RASA3: variants seen among roughly 807,000 people sequenced by gnomAD.
RASA3 encodes the protein RAS p21 protein activator 3, also known as ras GTPase-activating protein 3.
RASA3 carries 73 observed loss-of-function variants against 110.0 expected under a neutral mutation model. The observed-to-expected ratio is 0.66, with a 90% CI of 0.55 to 0.81. The LOEUF is 0.81. Among genes scored for constraint, RASA3 ranks in the 30% least tolerant of loss-of-function variants. The pLI, the probability that RASA3 is intolerant of heterozygous loss-of-function variation, is 0.00. For missense variants in RASA3, 976 were observed against 1,113.2 expected, an observed-to-expected ratio of 0.88 and a Z score of 1.75; for synonymous variants, 500 against 451.4, an observed-to-expected ratio of 1.11 and a Z score of -1.37.
At chr13:114,131,913 A>C (rs1405408053) in intron 1 of RASA3, among the ~76,000 whole-genome samples, 1 of 152,052 alleles carries the variant, frequency 6.6e-6, no homozygotes, top group Non-Finnish European at 1.5e-5. Flanking sequence ...GCGCGCGCAC[A>C]GCAGCAGCAG....
chr13:114,015,792 C>T (rs2053777474), intron 13 of RASA3, among the ~76,000 whole-genome samples: 1 of 152,018 alleles, frequency 6.6e-6, no homozygotes, highest in Non-Finnish European at 1.5e-5. Flanking sequence ...CCATCCTGTC[C>T]TAGGAAAAGG....
chr13:114,087,318 C>T (rs1316122413), intron 1 of RASA3, among the ~76,000 whole-genome samples: 3 of 152,134 alleles, frequency 2.0e-5, no homozygotes, highest in Non-Finnish European at 4.4e-5. Context: ...TTCCCTTCGT[C>T]CTTGTGGGGA....
rs921395586 is a variant in RASA3 at position 114,114,091 on chromosome 13, G to A, written c.55+18344C>T. Among the ~76,000 whole-genome samples the A allele has an allele frequency of 6.6e-6, 1 of 151,972 alleles. No homozygotes were observed. The highest frequency in any genetic ancestry group is 1.5e-5 in the Non-Finnish European group (1 of 68,024). On this transcript the variant is annotated intron_variant, in intron 1 of 23. Transcript: ENST00000334062. This position sits in a 1 kb window ranked among gnomAD's most constrained non-coding sequence, Gnocchi z 4.8. The stretch of plus-strand genomic sequence containing the variant: ...TCCACCCACCACAGCAAGTGTCTGC[G>A]ATGTCTGTAGTGTCTGCGATGTCTG...
At chr13:114,041,311 C>T (rs556775286) in intron 3 of RASA3, among the ~76,000 whole-genome samples, 10 of 152,258 alleles carry the variant, frequency 6.6e-5, no homozygotes, top group Non-Finnish European at 1.5e-4. Context: ...ATGGTGAAAA[C>T]TTGTCTCTAC....
chr13:113,979,627 A>T (rs976993799), intron 23 of RASA3, among the ~76,000 whole-genome samples: 5 of 152,162 alleles, frequency 3.3e-5, no homozygotes, highest in Admixed American at 6.5e-5. Flanking sequence ...CAGGCGTGCA[A>T]GTACATGTGC....
In RASA3 at chr13:114,027,412, A is replaced by G; in HGVS notation, c.580T>C (p.Phe194Leu). The change falls in exon 7 of 24, where the codon TTC (phenylalanine) becomes CTC (leucine). Residue 194 changes from phenylalanine to leucine, a missense_variant. Coordinates refer to ENST00000334062, the MANE Select transcript of RASA3 (RefSeq NM_007368.4). ...ACCTCAAAATAAAACACTTCATCGA[A>G]CTGGGGATTGTTGGTCTTCCTCTTC... ...KVKRKTNNPQ[F>L]DEVFYFEVTR... 1 of 1,613,008 alleles carries G rather than the reference A, an allele frequency of 6.2e-7. No individual in the cohort carries two copies.
chr13:114,075,938 G>A (rs554672942), intron 1 of RASA3, among the ~76,000 whole-genome samples: 1 of 108,242 alleles, frequency 9.2e-6, no homozygotes, highest in African/African-American at 3.7e-5. Flanking sequence ...GAAGCCTCCC[G>A]TGTCGGCGCC....
In RASA3 at chr13:114,027,858, T is replaced by C; in HGVS notation, c.519A>G (p.Ala173=). 1 of 1,613,898 alleles carries C rather than the reference T, an allele frequency of 6.2e-7. No individual in the cohort carries two copies. The highest frequency in any genetic ancestry group is 8.5e-7 in the Non-Finnish European group (1 of 1,179,960). ...GTGAGGCAACTTGCCTGAAGGGTCC[T>C]GCCAGCGTCACGGTGGCGTAGGGGT... ...QCDPYATVTL[A]GPFRSEAKKT... The change falls in exon 6 of 24, where the codon GCA becomes GCG. Residue 173 remains alanine (A), a synonymous_variant. Coordinates refer to ENST00000334062, the MANE Select transcript of RASA3 (RefSeq NM_007368.4).
At chr13:114,079,536 G>T (rs182862223) in intron 1 of RASA3, among the ~76,000 whole-genome samples, 2 of 152,338 alleles carry the variant, frequency 1.3e-5, no homozygotes, top group Admixed American at 1.3e-4. Context: ...CAATAGTCTT[G>T]TGACTAAAAT....
intron 17 of RASA3, among the ~76,000 whole-genome samples, chr13:114,007,982 C>T (rs1263564125): frequency 9.9e-5 from 11 of 110,690 alleles, no homozygotes; most frequent in Non-Finnish European, 2.1e-4. Context: ...CCACGCACCG[C>T]GTTCCTGACT....
intron 1 of RASA3, among the ~76,000 whole-genome samples, chr13:114,090,969 A>C (rs1292676170): frequency 1.3e-5 from 2 of 152,212 alleles, no homozygotes; most frequent in African/African-American, 4.8e-5. Flanking sequence ...GTTATTGTTC[A>C]GTAATACCAG....
chr13:114,111,025 CG>C (rs2080211305), intron 1 of RASA3, among the ~76,000 whole-genome samples: 1 of 142,560 alleles, frequency 7.0e-6, no homozygotes, highest in Admixed American at 6.7e-5. Flanking sequence ...CAACATGGAA[CG>C]GCACAAACGA....
chr13:113,979,244 A>T lies in RASA3; in HGVS notation c.*103T>A. On this transcript the variant is annotated 3_prime_UTR_variant, in exon 24 of 24. Transcript: ENST00000334062. ...TTGTCTATGGGCCGGGACGGCGTGCATCTCACTTTGCCGGCTCTGCGCTCT... is the reference window on the plus strand; with the variant it reads ...TTGTCTATGGGCCGGGACGGCGTGCTTCTCACTTTGCCGGCTCTGCGCTCT... The T allele has an allele frequency of 8.6e-7, 1 of 1,162,790 alleles. No homozygotes were observed. The highest frequency in any genetic ancestry group is 1.3e-6 in the Non-Finnish European group (1 of 780,462). 72.0% of individuals were successfully genotyped at this position (1,162,790 alleles called of 1,614,324 possible).
intron 1 of RASA3, among the ~76,000 whole-genome samples, chr13:114,101,544 C>T (rs1279533349): frequency 6.6e-6 from 1 of 152,274 alleles, no homozygotes; most frequent in Non-Finnish European, 1.5e-5. Context: ...TGACCCATGC[C>T]AGGGGCCCCA....
intron 1 of RASA3, among the ~76,000 whole-genome samples, chr13:114,082,279 C>T (rs937702065): frequency 3.9e-5 from 6 of 152,246 alleles, no homozygotes; most frequent in African/African-American, 1.2e-4. Context: ...AGAGCTGCAG[C>T]GTCTGCAGGT....
intron 3 of RASA3, among the ~76,000 whole-genome samples, chr13:114,043,133 AC>A (rs1362147518): frequency 6.9e-6 from 1 of 144,246 alleles, no homozygotes; most frequent in Non-Finnish European, 1.5e-5. Context: ...TTGTCTGCAA[AC>A]TCAGAGGGTC....
chr13:114,035,336 C>T (rs2054259212), intron 4 of RASA3, among the ~76,000 whole-genome samples: 1 of 152,234 alleles, frequency 6.6e-6, no homozygotes, highest in Non-Finnish European at 1.5e-5. Context: ...ACTGAGGTCC[C>T]TGGCGCTGCA....
At chr13:114,118,868 C>A (rs2080329431) in intron 1 of RASA3, among the ~76,000 whole-genome samples, 1 of 152,256 alleles carries the variant, frequency 6.6e-6, no homozygotes, top group Non-Finnish European at 1.5e-5. Context: ...GTGCAGCTAC[C>A]CAGAGGGAAG....
At chr13:114,019,263 G>A (rs927060008) in intron 9 of RASA3, among the ~76,000 whole-genome samples, 5 of 152,230 alleles carry the variant, frequency 3.3e-5, no homozygotes, top group African/African-American at 9.6e-5. Flanking sequence ...AGCAGCAGGT[G>A]GAAATGAAAA....
Sources: allele counts gnomAD v4.1 joint callset (sites outside exome capture counted in the v4.1 genomes callset), GRCh38; gene constraint gnomAD v4.1.1; non-coding constraint Gnocchi (gnomAD v3.1); transcripts MANE v1.5; gene names NCBI Gene and HGNC (gene_info 2026-07-23, HGNC 2026-07-21).